The following TBC1D12 variants were observed in gnomAD, a reference collection of about 807,000 sequenced individuals.
TBC1D12 encodes TBC1 domain family member 12, also known as TBC1 domain family, member 12.
In TBC1D12, 56 loss-of-function variants were observed where a neutral mutation model predicts 86.7. The observed-to-expected ratio is 0.65, with a 90% CI of 0.52 to 0.81. TBC1D12 has a LOEUF of 0.81. Ranked by LOEUF, TBC1D12 falls within the 30% of genes least tolerant of loss-of-function variation. The pLI is 0.00. For synonymous variants in TBC1D12, 421 were observed against 411.7 expected (o/e 1.02, Z -0.27); for missense variants, 1,023 against 1,038.8 (o/e 0.98, Z 0.21).
intron 1 of TBC1D12, among the ~76,000 whole-genome samples, chr10:94,412,961 A>G (rs2054945864): frequency 1.3e-5 from 2 of 152,214 alleles, no homozygotes; most frequent in Non-Finnish European, 2.9e-5. Context: ...GGTGGGGTCC[A>G]CCAGGAATCC....
rs573592211 is a variant in TBC1D12, at chr10:94,471,346, A to T, written c.1096-3322A>T. Among the ~76,000 whole-genome samples the T allele has an allele frequency of 6.0e-5, 9 of 150,794 alleles. No individual in the cohort carries two copies. In the East Asian group the frequency reaches 1.8e-3, roughly 29 times the overall value. ...ATTATATTCTAGCTGCTTCATTTTG[A>T]GTTGCTTTATATATTAAATGTATAC... On this transcript the variant is annotated intron_variant, in intron 2 of 12. Transcript: ENST00000225235.
At chr10:94,424,642 T>A (rs2055123625) in intron 1 of TBC1D12, among the ~76,000 whole-genome samples, 1 of 152,172 alleles carries the variant, frequency 6.6e-6, no homozygotes, top group African/African-American at 2.4e-5. Context: ...AGAATAGCCC[T>A]TCAGCAACAG....
intron 2 of TBC1D12, among the ~76,000 whole-genome samples, chr10:94,474,044 A>G (rs1195269189): frequency 6.6e-6 from 1 of 152,142 alleles, no homozygotes; most frequent in Non-Finnish European, 1.5e-5. Context: ...ATCCAAAACT[A>G]TCATTTCATT....
chr10:94,525,378 G>T (rs992020325), intron 11 of TBC1D12, among the ~76,000 whole-genome samples: 1 of 152,098 alleles, frequency 6.6e-6, no homozygotes, highest in Admixed American at 6.5e-5. Flanking sequence ...TTGGGAAGCC[G>T]AGGTGGGCAA....
chr10:94,436,370 A>G (rs752618427), intron 1 of TBC1D12, among the ~76,000 whole-genome samples: 2 of 151,620 alleles, frequency 1.3e-5, no homozygotes, highest in Non-Finnish European at 2.9e-5. Flanking sequence ...TCTTGACCTC[A>G]TGATCCACCT....
chr10:94,411,621 C>G, intron 1 of TBC1D12, among the ~76,000 whole-genome samples: 1 of 152,124 alleles, frequency 6.6e-6, no homozygotes, highest in South Asian at 2.1e-4. Context: ...AATTCACAGC[C>G]TCCGCCTAGT....
At chr10:94,406,332 C>T (rs899090800) in intron 1 of TBC1D12, among the ~76,000 whole-genome samples, 1 of 152,058 alleles carries the variant, frequency 6.6e-6, no homozygotes, top group African/African-American at 2.4e-5. Flanking sequence ...AACAGGTGCC[C>T]TAAAGTTAAT....
Position 94,512,181 on chromosome 10 carries a change from A to C in TBC1D12, c.1761+527A>C, listed in dbSNP as rs185454756. On this transcript the variant is annotated intron_variant, in intron 9 of 12. Transcript: ENST00000225235. ...TGATTATTGGCTTCCTCCTCTGTAG[A>C]TATTTTAGTTTTAACATTCTACACT... 1.1e-4 allele frequency among the ~76,000 whole-genome samples: 16 copies of C among 152,290 alleles called. No homozygotes were observed. The South Asian group carries it at 2.7e-3, about 26-fold the overall frequency.
At chr10:94,410,636 A>C (rs1213122103) in intron 1 of TBC1D12, among the ~76,000 whole-genome samples, 1 of 152,180 alleles carries the variant, frequency 6.6e-6, no homozygotes, top group Non-Finnish European at 1.5e-5. Flanking sequence ...AAAGTCAGAT[A>C]GCTAATTAAT....
intron 4 of TBC1D12, among the ~76,000 whole-genome samples, chr10:94,493,699 C>T (rs1305951617): frequency 6.6e-6 from 1 of 152,062 alleles, no homozygotes; most frequent in Non-Finnish European, 1.5e-5. Flanking sequence ...ACCACAGGCA[C>T]GTGCCACCAT....
intron 11 of TBC1D12, among the ~76,000 whole-genome samples, chr10:94,524,083 T>C (rs1776250447): frequency 6.6e-6 from 1 of 152,198 alleles, no homozygotes; most frequent in South Asian, 2.1e-4. Flanking sequence ...TTAAGACTAA[T>C]GATATTAATG....
intron 3 of TBC1D12, among the ~76,000 whole-genome samples, chr10:94,484,949 T>G (rs892986508): frequency 1.3e-5 from 2 of 152,240 alleles, no homozygotes; most frequent in Non-Finnish European, 2.9e-5. Context: ...CTGTTGATTT[T>G]TTATCCTGCA....
At chr10:94,482,815 C>T (rs2056097064) in intron 3 of TBC1D12, among the ~76,000 whole-genome samples, 1 of 152,060 alleles carries the variant, frequency 6.6e-6, no homozygotes, top group African/African-American at 2.4e-5. Context: ...TACTGTCCTT[C>T]CCAGCCTTAG....
chr10:94,416,644 T>C (rs915041364), intron 1 of TBC1D12, among the ~76,000 whole-genome samples: 15 of 152,310 alleles, frequency 9.8e-5, no homozygotes, highest in Admixed American at 1.3e-4. Context: ...ACATTTTATT[T>C]AAAAAGTTTC....
At chr10:94,479,777 G>A (rs1303464021) in intron 3 of TBC1D12, among the ~76,000 whole-genome samples, 3 of 152,128 alleles carry the variant, frequency 2.0e-5, no homozygotes, top group Non-Finnish European at 2.9e-5. Flanking sequence ...TGATTTATTG[G>A]TATATGATTA....
intron 1 of TBC1D12, among the ~76,000 whole-genome samples, chr10:94,439,889 G>A (rs1247183118): frequency 1.3e-5 from 2 of 152,188 alleles, no homozygotes; most frequent in African/African-American, 4.8e-5. Flanking sequence ...CAGCTACAAA[G>A]TGTTTTCTTG....
At chr10:94,497,644 C>A (rs1304788418) in intron 5 of TBC1D12, among the ~76,000 whole-genome samples, 1 of 150,936 alleles carries the variant, frequency 6.6e-6, no homozygotes, top group Non-Finnish European at 1.5e-5. Flanking sequence ...CTCAGCCTCC[C>A]GAGTAGCTGG....
intron 11 of TBC1D12, among the ~76,000 whole-genome samples, chr10:94,524,688 G>A (rs1160681206): frequency 1.4e-5 from 2 of 146,512 alleles, no homozygotes; most frequent in African/African-American, 5.1e-5. Context: ...GCAGTGAGTC[G>A]AGATCGCGCC....
At chr10:94,482,454 G>T (rs149696518) in intron 3 of TBC1D12, among the ~76,000 whole-genome samples, 75 of 151,636 alleles carry the variant, frequency 4.9e-4, no homozygotes, top group Non-Finnish European at 1.0e-3. Flanking sequence ...TATTCATTCT[G>T]GGTTTTTTTT....
Sources: gnomAD v4.1 joint callset for allele counts (sites outside exome capture counted in the v4.1 genomes callset) on GRCh38, gnomAD v4.1.1 for gene constraint, MANE v1.5 for transcripts, NCBI Gene and HGNC (gene_info 2026-07-23, HGNC 2026-07-21) for gene names.